NAA60: variants seen among roughly 807,000 people sequenced by gnomAD.
The protein encoded by NAA60 is N-alpha-acetyltransferase 60, NatF catalytic subunit.
In NAA60, 8 loss-of-function variants were observed where a neutral mutation model predicts 26.1. The observed-to-expected ratio is 0.31, with a 90% CI of 0.18 to 0.55. NAA60 has a LOEUF of 0.55. Ranked by LOEUF, NAA60 falls within the 20% of genes least tolerant of loss-of-function variation. NAA60 has a pLI of 0.93. For missense variants in NAA60, 290 were observed against 311.3 expected, an observed-to-expected ratio of 0.93 and a Z score of 0.51; for synonymous variants, 131 against 122.5, an observed-to-expected ratio of 1.07 and a Z score of -0.46.
intron 2 of NAA60, chr16:3,456,674 C>T (rs1240115753): frequency 6.6e-6 from 1 of 152,126 alleles, no homozygotes; most frequent in African/African-American, 2.4e-5. Flanking sequence ...AGTGATCTGC[C>T]TGCTGAAGGG....
At chr16:3,471,001 G>A (rs1348480673) in intron 2 of NAA60, among the ~76,000 whole-genome samples, 2 of 152,198 alleles carry the variant, frequency 1.3e-5, no homozygotes, top group Non-Finnish European at 2.9e-5. Context: ...CTGGCCTCCA[G>A]AAACACGGAA....
chr16:3,464,900 A>G (rs2035640618), intron 2 of NAA60, among the ~76,000 whole-genome samples: 1 of 152,164 alleles, frequency 6.6e-6, no homozygotes, highest in African/African-American at 2.4e-5. Context: ...CCCACACCTC[A>G]GTTGTCTCAA....
intron 2 of NAA60, among the ~76,000 whole-genome samples, chr16:3,454,166 G>A (rs772458478): frequency 3.9e-5 from 6 of 151,926 alleles, no homozygotes; most frequent in Non-Finnish European, 8.8e-5. Context: ...GCTCTACCTG[G>A]GCCAGAGAAG....
At chr16:3,444,431 G>T (rs1212610238) in intron 1 of NAA60, among the ~76,000 whole-genome samples, 1 of 152,082 alleles carries the variant, frequency 6.6e-6, no homozygotes, top group African/African-American at 2.4e-5. Flanking sequence ...GAAATTGCCA[G>T]TTTATAAAGG....
intron 1 of NAA60, among the ~76,000 whole-genome samples, chr16:3,448,216 G>A (rs1038001676): frequency 6.8e-6 from 1 of 147,916 alleles, no homozygotes; most frequent in African/African-American, 2.5e-5. Flanking sequence ...CGAGGCTGCA[G>A]TGAGCTAGCA....
chr16:3,453,048 G>A (rs2034846932), intron 2 of NAA60, among the ~76,000 whole-genome samples: 1 of 152,184 alleles, frequency 6.6e-6, no homozygotes, highest in Non-Finnish European at 1.5e-5. Flanking sequence ...CTCTTGGTAT[G>A]AGAATAAATT....
At chr16:3,462,878 T>G (rs2035500942) in intron 2 of NAA60, among the ~76,000 whole-genome samples, 1 of 152,178 alleles carries the variant, frequency 6.6e-6, no homozygotes, top group Admixed American at 6.5e-5. Flanking sequence ...CTCCCCTTAC[T>G]CAAGAAAAGG....
At chr16:3,478,304 A>C (rs1276060807) in intron 3 of NAA60, among the ~76,000 whole-genome samples, 2 of 152,324 alleles carry the variant, frequency 1.3e-5, no homozygotes, top group East Asian at 1.9e-4. Flanking sequence ...AGAGAAATAA[A>C]AGCTGCAGTG....
At chr16:3,449,936 G>A in intron 2 of NAA60, 1 of 396,936 alleles carries the variant, frequency 2.5e-6, no homozygotes, top group Non-Finnish European at 4.4e-6. Context: ...CAGCCACGTG[G>A]AACTGTAAGT....
intron 6 of NAA60, among the ~76,000 whole-genome samples, chr16:3,483,987 CAA>C (rs2037011527): frequency 6.6e-6 from 1 of 152,158 alleles, no homozygotes. Flanking sequence ...AGAGGGGAAA[CAA>C]GTGCGGAGAG....
intron 2 of NAA60, among the ~76,000 whole-genome samples, chr16:3,462,222 A>G (rs190171835): frequency 7.7e-4 from 117 of 152,146 alleles, no homozygotes; most frequent in Non-Finnish European, 1.5e-3. Flanking sequence ...AAGTATTGAC[A>G]CTGGGGCCCA....
chr16:3,465,239 C>T (rs1411278109), intron 2 of NAA60, among the ~76,000 whole-genome samples: 2 of 150,490 alleles, frequency 1.3e-5, no homozygotes, highest in African/African-American at 2.5e-5. Flanking sequence ...TGCACTCCAG[C>T]CTGGGCGACA....
intron 1 of NAA60, among the ~76,000 whole-genome samples, chr16:3,444,164 T>TCG (rs2034454939): frequency 6.6e-6 from 1 of 152,068 alleles, no homozygotes; most frequent in African/African-American, 2.4e-5. Flanking sequence ...TCGCAGGACG[T>TCG]TGTTCGCCCC....
At chr16:3,479,389 C>G (rs958651403) in intron 3 of NAA60, 82 bp from the exon 4 acceptor site, 2 of 1,495,526 alleles carry the variant, frequency 1.3e-6, no homozygotes, top group Admixed American at 1.9e-5. Flanking sequence ...GCCCAGAGCT[C>G]CCTGTGGTTC....
intron 2 of NAA60, among the ~76,000 whole-genome samples, chr16:3,475,611 C>T (rs1385733821): frequency 3.3e-5 from 5 of 152,182 alleles, no homozygotes; most frequent in African/African-American, 7.2e-5. Context: ...CTCGTGACCC[C>T]GACTTGAACT....
chr16:3,475,732 A>T (rs1329726562), intron 2 of NAA60, among the ~76,000 whole-genome samples: 1 of 152,116 alleles, frequency 6.6e-6, no homozygotes, highest in Non-Finnish European at 1.5e-5. Context: ...CTGGTCATAA[A>T]GCCGCACCAT....
chr16:3,484,966 T>C lies in NAA60; in HGVS notation c.*111T>C, dbSNP rs1567404344. Reference sequence around the variant, plus strand: ...TGCAAGGAGCTGCCAGCCATCTAACTGGGCTCGTCGGCCTGCCCCAGCTGC... The same window carrying C: ...TGCAAGGAGCTGCCAGCCATCTAACCGGGCTCGTCGGCCTGCCCCAGCTGC... On this transcript the variant is annotated 3_prime_UTR_variant, in exon 7 of 8. Transcript: ENST00000407558. The C allele has an allele frequency of 2.6e-6, 4 of 1,531,032 alleles. No homozygotes were observed. Among genetic ancestry groups the C allele is most frequent in the Non-Finnish European group, 3.5e-6 (4 of 1,140,866 alleles). 94.8% of individuals were successfully genotyped at this position (1,531,032 alleles called of 1,614,324 possible).
At chr16:3,448,724 A>G (rs2034652519) in intron 2 of NAA60, 184 bp downstream of exon 2, 1 of 559,820 alleles carries the variant, frequency 1.8e-6, no homozygotes, top group Non-Finnish European at 3.2e-6. Context: ...GTAAATGAGT[A>G]TATTCTTACG....
chr16:3,457,995 C>T, intron 2 of NAA60: 2 of 985,326 alleles, frequency 2.0e-6, no homozygotes, highest in Non-Finnish European at 2.4e-6. Flanking sequence ...AATGGGCTTC[C>T]GGGCTGCGCT....
Sources: gnomAD v4.1 joint callset for allele counts (sites outside exome capture counted in the v4.1 genomes callset) on GRCh38, gnomAD v4.1.1 for gene constraint, MANE v1.5 for transcripts, NCBI Gene and HGNC (gene_info 2026-07-23, HGNC 2026-07-21) for gene names.